The following TIAM2 variants were observed in gnomAD, a reference collection of about 807,000 sequenced individuals.
The protein encoded by TIAM2 is rho guanine nucleotide exchange factor TIAM2.
In TIAM2, 80 loss-of-function variants were observed where a neutral mutation model predicts 152.9. That is an observed-to-expected ratio of 0.52 (90% CI 0.44 to 0.63). TIAM2 has a LOEUF of 0.63. TIAM2 is among the 30% of genes least tolerant of loss of function. TIAM2 has a pLI of 0.00. For missense variants in TIAM2, 1,965 were observed against 2,120.1 expected, an observed-to-expected ratio of 0.93 and a Z score of 1.44; for synonymous variants, 804 against 838.0, an observed-to-expected ratio of 0.96 and a Z score of 0.70.
In TIAM2 at chr6:155,240,551, C is replaced by T. The variant is rs763298695; in HGVS notation, c.3190C>T (p.Leu1064=). ...TFRSAEQITA[L]CRSFNDSQAN... is the part of the protein sequence containing the mutation. ...TCAGAGTGCTGAGCAGATCACTGCA[C>T]TGTGCAGGAGTTTTAACGACAGTCA... The change falls in exon 16 of 27, where the codon CTG becomes TTG. Residue 1064 remains leucine, a synonymous_variant. Transcript: ENST00000682666. 2.5e-6 allele frequency: 4 copies of T among 1,613,796 alleles called. No individual in the cohort carries two copies. The South Asian group carries it at 3.3e-5, about 13-fold the overall frequency.
intron 2 of TIAM2, among the ~76,000 whole-genome samples, chr6:155,119,966 C>T (rs1231572674): frequency 6.6e-6 from 1 of 152,220 alleles, no homozygotes; most frequent in Non-Finnish European, 1.5e-5. Context: ...GGTATCAATT[C>T]ATCGAATGGA....
rs770023797 is a variant in TIAM2, at chr6:155,165,291, G to A, written c.2243G>A (p.Arg748Gln). The A allele has an allele frequency of 2.9e-5, 46 of 1,613,746 alleles. No homozygotes were observed. The highest frequency in any genetic ancestry group is 3.4e-5 in the Non-Finnish European group (40 of 1,179,956). Residue 748 changes from arginine (R) to glutamine (Q), a missense_variant, in exon 9 of 27, where the codon CGG becomes CAG. Physicochemically the swap from Arg to Gln is conservative, Grantham distance 43 (BLOSUM62 1). Coordinates refer to ENST00000682666, the MANE Select transcript of TIAM2 (RefSeq NM_012454.4). ...TGTTCTAGAGATGACTCTGCTCTCCGGAAAAGGACACTGTCACTGACCCAG... is the reference window on the plus strand; with the variant it reads ...TGTTCTAGAGATGACTCTGCTCTCCAGAAAAGGACACTGTCACTGACCCAG... ...LVCSRDDSAL[R>Q]KRTLSLTQRG...
chr6:155,205,998 T>A (rs1781585815), intron 14 of TIAM2, among the ~76,000 whole-genome samples: 1 of 152,234 alleles, frequency 6.6e-6, no homozygotes, highest in Non-Finnish European at 1.5e-5. Flanking sequence ...GTACCCAGGA[T>A]GTCCCTTTAA....
At chr6:155,249,760 G>T (rs1783539519) in intron 20 of TIAM2, 91 bp from the exon 21 acceptor site, 1 of 1,095,396 alleles carries the variant, frequency 9.1e-7, no homozygotes. Context: ...CTGGAATCCT[G>T]AGTTGAATCT....
intron 14 of TIAM2, among the ~76,000 whole-genome samples, chr6:155,199,069 AT>A (rs5881124): frequency 4.9e-4 from 73 of 148,626 alleles, no homozygotes; most frequent in African/African-American, 1.1e-3. Context: ...TAACTTCTTT[AT>A]TTTTTTTTTT....
chr6:155,228,912 C>A (rs916183668), intron 15 of TIAM2, among the ~76,000 whole-genome samples: 1 of 152,344 alleles, frequency 6.6e-6, no homozygotes, highest in South Asian at 2.1e-4. Context: ...CATGGCGCTT[C>A]CTCTCTCCAG....
At chr6:155,009,666 G>A (rs79412588) in intron 1 of TIAM2, among the ~76,000 whole-genome samples, 2,280 of 152,108 alleles carry the variant, frequency 0.015, 65 homozygotes, top group African/African-American at 0.052. Flanking sequence ...TACGACTTAC[G>A]TGAAACCAAG....
In TIAM2 at chr6:155,129,884, G is replaced by A. The variant is rs774610886; in HGVS notation, c.661G>A (p.Asp221Asn). 2 of 1,613,748 alleles carry A rather than the reference G, an allele frequency of 1.2e-6. No homozygotes were observed. The highest frequency in any genetic ancestry group is 1.7e-5 in the Admixed American group (1 of 60,014). Residue 221 changes from aspartate (D) to asparagine (N), a missense_variant, in exon 4 of 27, where the codon GAT becomes AAT. This residue lies in a region of TIAM2 where 1,025 missense variants were observed against 1,119.4 expected (regional missense o/e 0.92). Transcript: ENST00000682666. This position sits in a 1 kb window ranked among gnomAD's most constrained non-coding sequence, Gnocchi z 4.8. ...VPEARRGSSA[D>N]SLPSHRPSPT... The stretch of plus-strand genomic sequence containing the variant: ...TGAAGCCAGGAGGGGGTCCAGCGCC[G>A]ATTCCCTGCCCAGCCATCGCCCCTC...
chr6:155,245,844 G>C, intron 19 of TIAM2, 113 bp downstream of exon 19: 1 of 691,306 alleles, frequency 1.4e-6, no homozygotes, highest in Non-Finnish European at 2.3e-6. Context: ...GATGTATTAA[G>C]GTCCATCCTT....
At chr6:155,176,058 A>C (rs1189901190) in intron 9 of TIAM2, among the ~76,000 whole-genome samples, 3 of 152,248 alleles carry the variant, frequency 2.0e-5, no homozygotes, top group Non-Finnish European at 4.4e-5. Context: ...GATTAAGTGC[A>C]GTTCAGAGTC....
chr6:155,080,945 G>A (rs944397881), intron 1 of TIAM2, among the ~76,000 whole-genome samples: 1 of 152,130 alleles, frequency 6.6e-6, no homozygotes, highest in Admixed American at 6.5e-5. Flanking sequence ...GGATGAGCTC[G>A]ATTCTTCTCT....
intron 1 of TIAM2, among the ~76,000 whole-genome samples, chr6:155,024,334 A>G (rs2114870199): frequency 6.6e-6 from 1 of 152,344 alleles, no homozygotes; most frequent in South Asian, 2.1e-4. Context: ...CAGAGATTAT[A>G]AGTATTAACA....
intron 9 of TIAM2, among the ~76,000 whole-genome samples, chr6:155,172,365 C>T (rs1562340796): frequency 6.6e-6 from 1 of 151,844 alleles, no homozygotes; most frequent in Non-Finnish European, 1.5e-5. Flanking sequence ...GTAGCTACTC[C>T]CAGTACAGTA....
chr6:155,164,710 ACACCTAGAGGCCAGGT>A, intron 8 of TIAM2, 110 bp downstream of exon 8: 2 of 1,345,702 alleles, frequency 1.5e-6, no homozygotes, highest in South Asian at 2.8e-5. Context: ...CCAACAACTG[ACACCTAGAGGCCAGGT>A]CACCCAGAGG....
In TIAM2 at chr6:155,165,271, T is replaced by C. The variant is rs1456402524; in HGVS notation, c.2223T>C (p.Ser741=). ...ACTGTGTTTTACATTAGGTATGTTC[T>C]AGAGATGACTCTGCTCTCCGGAAAA... ...SVSSFHALVC[S]RDDSALRKRT... The change falls in exon 9 of 27, where the codon TCT becomes TCC. Residue 741 remains serine (S), a synonymous_variant. Transcript: ENST00000682666. 4 of 1,613,202 alleles carry C rather than the reference T, an allele frequency of 2.5e-6. No homozygotes were observed. Among genetic ancestry groups the C allele is most frequent in the South Asian group, 2.2e-5 (2 of 90,922 alleles).
Position 155,093,375 on chromosome 6 carries a change from A to T in TIAM2, c.-118+2996A>T, listed in dbSNP as rs141895819. Among the ~76,000 whole-genome samples the T allele has an allele frequency of 5.3e-5, 8 of 152,284 alleles. No homozygotes were observed. In the East Asian group the frequency reaches 1.4e-3, roughly 26 times the overall value. On this transcript the variant is annotated intron_variant, in intron 2 of 26. Transcript: ENST00000682666. Reference sequence around the variant, plus strand: ...GCACGTTGATAGCAAGAGGAAGGTGATTGCCATTGGGGAAGGTGTGGAAAG... The same window carrying T: ...GCACGTTGATAGCAAGAGGAAGGTGTTTGCCATTGGGGAAGGTGTGGAAAG...
chr6:155,049,826 G>C lies in TIAM2; in HGVS notation c.-208-40463G>C, dbSNP rs569287306. Reference sequence around the variant, plus strand: ...TTTTTTCCAGAAAAAGAATGTGGTAGTTATAGGCAAAAATGTATCTGAAAT... The same window carrying C: ...TTTTTTCCAGAAAAAGAATGTGGTACTTATAGGCAAAAATGTATCTGAAAT... On this transcript the variant is annotated intron_variant, in intron 1 of 26. Transcript: ENST00000682666. Among the ~76,000 whole-genome samples, 62 of 152,012 alleles carry C rather than the reference G, an allele frequency of 4.1e-4. 1 individual carries two copies. The highest frequency in any genetic ancestry group is 1.4e-3 in the African/African-American group (59 of 41,478).
chr6:155,138,117 A>T (rs1779597961), intron 5 of TIAM2, among the ~76,000 whole-genome samples: 1 of 152,346 alleles, frequency 6.6e-6, no homozygotes, highest in South Asian at 2.1e-4. Context: ...CTGGGATTAT[A>T]GGCATGAGCC....
intron 14 of TIAM2, among the ~76,000 whole-genome samples, chr6:155,187,661 C>A (rs1196175297): frequency 6.7e-6 from 1 of 149,142 alleles, no homozygotes; most frequent in Admixed American, 6.8e-5. Flanking sequence ...CTCACCGCAA[C>A]CTCCACCTCC....
Sources: gnomAD v4.1 joint callset for allele counts (sites outside exome capture counted in the v4.1 genomes callset) on GRCh38, gnomAD v4.1.1 for gene constraint, gnomAD v4.1.1 regional missense constraint, Gnocchi (gnomAD v3.1) non-coding constraint, MANE v1.5 for transcripts, NCBI Gene and HGNC (gene_info 2026-07-23, HGNC 2026-07-21) for gene names.